Variants in CNKSR2 observed in about 807,000 individuals in gnomAD.
CNKSR2 encodes the protein connector enhancer of kinase suppressor of Ras 2, also known as CNK homolog protein 2.
Under a neutral mutation model 84.4 loss-of-function variants are expected in CNKSR2, and 14 were observed. That is an observed-to-expected ratio of 0.17 (90% CI 0.11 to 0.26). CNKSR2 has a LOEUF of 0.26. Ranked by LOEUF, CNKSR2 falls within the 10% of genes least tolerant of loss-of-function variation. CNKSR2 has a pLI of 1.00. For missense variants in CNKSR2, 485 were observed against 771.2 expected, an observed-to-expected ratio of 0.63 and a Z score of 4.40; for synonymous variants, 275 against 277.9, an observed-to-expected ratio of 0.99 and a Z score of 0.10.
intron 5 of CNKSR2, among the ~76,000 whole-genome samples, chrX:21,475,772 A>G (rs941881647): frequency 1.8e-5 from 2 of 111,717 alleles, no homozygotes; most frequent in Non-Finnish European, 3.8e-5. Flanking sequence ...GGAATTCCAC[A>G]AGGCAATACA....
rs1601831132 is a variant in CNKSR2 at position 21,470,905 on chromosome X, C to G, written c.561+98C>G. ...AAGAAAAAAAATCTACTGACCACAT[C>G]AGTTAAGTGTATTTTTATAGGAAAT... is the stretch of plus-strand genomic sequence containing the variant. On this transcript the variant is annotated intron_variant, in intron 5 of 21. Transcript: ENST00000379510. 10 of 385,485 alleles carry G rather than the reference C, an allele frequency of 2.6e-5. No individual in the cohort carries two copies. The East Asian group carries it at 4.3e-4, about 16-fold the overall frequency. 31.8% of individuals were successfully genotyped at this position (385,485 alleles called of 1,213,427 possible).
intron 20 of CNKSR2, among the ~76,000 whole-genome samples, chrX:21,612,948 G>A (rs1180779828): frequency 8.9e-6 from 1 of 112,133 alleles, no homozygotes; most frequent in Admixed American, 9.5e-5. Context: ...AGTCTGAAAT[G>A]GATGGTACTA....
intron 20 of CNKSR2, chrX:21,642,812 C>T: frequency 1.3e-6 from 1 of 742,124 alleles, no homozygotes; most frequent in Middle Eastern, 7.8e-4. Flanking sequence ...ATCAGTGCTT[C>T]TTTCTCACAA....
At chrX:21,460,217 G>C (rs1267344605) in intron 4 of CNKSR2, among the ~76,000 whole-genome samples, 1 of 111,984 alleles carries the variant, frequency 8.9e-6, no homozygotes, top group Non-Finnish European at 1.9e-5. Context: ...CCAGACAATT[G>C]TATGTAACAC....
intron 1 of CNKSR2, among the ~76,000 whole-genome samples, chrX:21,414,288 T>C (rs915574851): frequency 5.4e-5 from 6 of 111,637 alleles, no homozygotes; most frequent in Non-Finnish European, 9.4e-5. Flanking sequence ...TGCTATCTCA[T>C]TGTAGTTTTT....
chrX:21,469,391 G>T (rs959040019), intron 4 of CNKSR2, among the ~76,000 whole-genome samples: 2 of 111,368 alleles, frequency 1.8e-5, no homozygotes, highest in African/African-American at 6.5e-5. Flanking sequence ...ACTTTGCCCC[G>T]ATCTGCATAT....
At chrX:21,564,381 A>G (rs141107409) in intron 13 of CNKSR2, among the ~76,000 whole-genome samples, 6,489 of 111,538 alleles carry the variant, frequency 0.058, 165 homozygotes, top group Non-Finnish European at 0.067. Flanking sequence ...TCCAGGCCAT[A>G]TGGATGATGA....
At chrX:21,445,946 T>C (rs1464638066) in intron 4 of CNKSR2, among the ~76,000 whole-genome samples, 1 of 111,644 alleles carries the variant, frequency 9.0e-6, no homozygotes, top group African/African-American at 3.2e-5. Flanking sequence ...CGATTTCCTT[T>C]CCATTGGATA....
intron 6 of CNKSR2, among the ~76,000 whole-genome samples, chrX:21,496,538 T>C (rs976386673): frequency 3.6e-5 from 4 of 111,854 alleles, no homozygotes; most frequent in Non-Finnish European, 5.7e-5. Context: ...ATTTTAGACA[T>C]ATGGTATTAC....
chrX:21,487,992 G>T (rs2091402690), intron 5 of CNKSR2, among the ~76,000 whole-genome samples: 1 of 112,342 alleles, frequency 8.9e-6, no homozygotes, highest in African/African-American at 3.2e-5. Context: ...TGGCCCTGAA[G>T]GGTTTCCTAT....
chrX:21,555,365 C>G (rs1212211831), intron 11 of CNKSR2, among the ~76,000 whole-genome samples: 1 of 111,524 alleles, frequency 9.0e-6, no homozygotes, highest in African/African-American at 3.3e-5. Context: ...ATTTCTTCAG[C>G]CTCTTTTATC....
chrX:21,488,742 G>T (rs2091412061), intron 5 of CNKSR2, among the ~76,000 whole-genome samples: 1 of 111,299 alleles, frequency 9.0e-6, no homozygotes, highest in African/African-American at 3.3e-5. Flanking sequence ...TGTTGTGAGG[G>T]GAAAATAAAT....
intron 4 of CNKSR2, among the ~76,000 whole-genome samples, chrX:21,463,190 A>C (rs2091084246): frequency 9.0e-6 from 1 of 111,611 alleles, no homozygotes; most frequent in South Asian, 3.8e-4. Context: ...ACACTTGGTC[A>C]TGATGAATGA....
At chrX:21,390,905 T>C (rs2090040348) in intron 1 of CNKSR2, among the ~76,000 whole-genome samples, 1 of 111,849 alleles carries the variant, frequency 8.9e-6, no homozygotes, top group Admixed American at 9.4e-5. Context: ...ATTGGGTAAA[T>C]ACACCCATTC....
At chrX:21,517,032 A>C (rs913843590) in intron 9 of CNKSR2, among the ~76,000 whole-genome samples, 1 of 111,488 alleles carries the variant, frequency 9.0e-6, no homozygotes, top group Non-Finnish European at 1.9e-5. Flanking sequence ...CAGTTCATAA[A>C]ATAGTAATAG....
chrX:21,478,498 T>C (rs370034591), intron 5 of CNKSR2, among the ~76,000 whole-genome samples: 3 of 112,144 alleles, frequency 2.7e-5, no homozygotes, highest in African/African-American at 9.7e-5. Flanking sequence ...GGCAGTATAT[T>C]TATTTATATA....
At chrX:21,447,436 T>C (rs1181919830) in intron 4 of CNKSR2, among the ~76,000 whole-genome samples, 5 of 111,662 alleles carry the variant, frequency 4.5e-5, no homozygotes, top group Non-Finnish European at 7.5e-5. Flanking sequence ...TGAGTCCTAT[T>C]ATGCAGTTCA....
intron 18 of CNKSR2, among the ~76,000 whole-genome samples, chrX:21,606,109 G>C (rs2092515125): frequency 8.9e-6 from 1 of 111,805 alleles, no homozygotes; most frequent in Admixed American, 9.5e-5. Flanking sequence ...TTGTCTAGCT[G>C]CTTACATTTG....
Position 21,408,985 on chromosome X carries a change from G to C in CNKSR2, c.65-17512G>C, listed in dbSNP as rs186471059. On this transcript the variant is annotated intron_variant, in intron 1 of 21. Transcript: ENST00000379510. Reference sequence around the variant, plus strand: ...CTAAAAGTTAGTTCTTAAATTCCTGGCAAGGAATTTACACTGTGCTAAGAA... The same window carrying C: ...CTAAAAGTTAGTTCTTAAATTCCTGCCAAGGAATTTACACTGTGCTAAGAA... Among the ~76,000 whole-genome samples the C allele has an allele frequency of 3.0e-3, 323 of 106,880 alleles. 1 individual carries two copies. Among genetic ancestry groups the C allele is most frequent in the African/African-American group, 0.011 (316 of 29,524 alleles). The allele number at this position is 106,880 out of a possible 115,157, so 92.8% of individuals were successfully genotyped here.
Sources: gnomAD v4.1 joint callset for allele counts (sites outside exome capture counted in the v4.1 genomes callset) on GRCh38, gnomAD v4.1.1 for gene constraint, MANE v1.5 for transcripts, NCBI Gene and HGNC (gene_info 2026-07-23, HGNC 2026-07-21) for gene names.